CORIN: variants seen among roughly 807,000 people sequenced by gnomAD.
The protein encoded by CORIN is atrial natriuretic peptide-converting enzyme.
CORIN carries 117 observed loss-of-function variants against 125.3 expected under a neutral mutation model. The observed-to-expected ratio is 0.93, with a 90% CI of 0.80 to 1.09. CORIN has a LOEUF of 1.09. CORIN is among the 50% of genes least tolerant of loss of function. The probability of loss-of-function intolerance (pLI) is 0.00; values close to 1 mark genes in which losing one functional copy is unlikely to be tolerated. For missense variants in CORIN, 1,253 were observed against 1,306.7 expected (o/e 0.96, Z 0.63); for synonymous variants, 450 against 466.4 (o/e 0.96, Z 0.45).
chr4:47,644,849 T>C (rs951968141), intron 14 of CORIN, among the ~76,000 whole-genome samples: 8 of 152,208 alleles, frequency 5.3e-5, no homozygotes, highest in African/African-American at 4.8e-5. Context: ...TGGAGGTATT[T>C]TGATTTTCTC....
At chr4:47,599,451 T>TAA (rs372153207) in intron 21 of CORIN, among the ~76,000 whole-genome samples, 54,881 of 151,954 alleles carry the variant, frequency 0.36, 10,224 homozygotes, top group Admixed American at 0.4. Context: ...TTACTCCCAA[T>TAA]TAAAGGTGCT....
intron 19 of CORIN, among the ~76,000 whole-genome samples, chr4:47,608,714 C>T (rs1225278474): frequency 6.6e-6 from 1 of 152,048 alleles, no homozygotes; most frequent in Non-Finnish European, 1.5e-5. Context: ...ACTTACAATT[C>T]TTCAATTATT....
chr4:47,716,294 C>T (rs1727086330), intron 5 of CORIN, among the ~76,000 whole-genome samples: 1 of 152,148 alleles, frequency 6.6e-6, no homozygotes, highest in South Asian at 2.1e-4. Context: ...TATTTGATTT[C>T]TCCTTGGGCT....
At chr4:47,651,474 T>C (rs755563993) in intron 13 of CORIN, among the ~76,000 whole-genome samples, 2 of 152,202 alleles carry the variant, frequency 1.3e-5, no homozygotes, top group African/African-American at 2.4e-5. Context: ...CTTATTTGAT[T>C]TGAAGTGGTG....
intron 7 of CORIN, chr4:47,682,710 T>C (rs796118644): frequency 5.9e-5 from 9 of 152,338 alleles, no homozygotes; most frequent in African/African-American, 2.2e-4. Flanking sequence ...TAAAATATCA[T>C]GCTGTATTCA....
Position 47,755,421 on chromosome 4 carries a change from C to T in CORIN, c.617+7958G>A, listed in dbSNP as rs139172698. The stretch of plus-strand genomic sequence containing the variant: ...TTCTTCACATGAACAGATTCTCAAT[C>T]GCTATTCTCATCAGTATCCTCTACA... On this transcript the variant is annotated intron_variant, in intron 4 of 21. Transcript: ENST00000273857. 3.2e-3 allele frequency among the ~76,000 whole-genome samples: 492 copies of T among 152,266 alleles called. 3 individuals carry two copies. Among genetic ancestry groups the T allele is most frequent in the African/African-American group, 9.9e-3 (413 of 41,550 alleles).
chr4:47,802,930 T>C lies in CORIN; in HGVS notation c.208+3973A>G, dbSNP rs116579963. Among the ~76,000 whole-genome samples the C allele has an allele frequency of 7.3e-3, 1,118 of 152,182 alleles. 13 individuals are homozygous for C. Among genetic ancestry groups the C allele is most frequent in the African/African-American group, 0.025 (1,054 of 41,500 alleles). ...GCACAGGGAGAGAGAGAGACTCTGTTTGTTTGGGAGAAAGTAAGGAAAAAG... is the reference window on the plus strand; with the variant it reads ...GCACAGGGAGAGAGAGAGACTCTGTCTGTTTGGGAGAAAGTAAGGAAAAAG... On this transcript the variant is annotated intron_variant, in intron 2 of 21. Coordinates refer to ENST00000273857, the MANE Select transcript of CORIN (RefSeq NM_006587.4).
intron 5 of CORIN, among the ~76,000 whole-genome samples, chr4:47,705,478 T>C (rs1560513275): frequency 6.6e-6 from 1 of 152,148 alleles, no homozygotes; most frequent in East Asian, 1.9e-4. Flanking sequence ...CTAAAGCAGA[T>C]GGAAAATACT....
intron 18 of CORIN, 55 bp downstream of exon 18, chr4:47,623,844 G>A: frequency 6.2e-7 from 1 of 1,604,916 alleles, no homozygotes; most frequent in Non-Finnish European, 8.5e-7. Context: ...CTTCCCCTGA[G>A]CCAATCCAGT....
At chr4:47,719,648 G>T (rs550974963) in intron 5 of CORIN, among the ~76,000 whole-genome samples, 19 of 152,280 alleles carry the variant, frequency 1.2e-4, no homozygotes, top group Non-Finnish European at 1.5e-4. Context: ...AGCTAAACAA[G>T]AAGTTTTTCA....
At chr4:47,728,838 T>G (rs1362358165) in intron 5 of CORIN, among the ~76,000 whole-genome samples, 1 of 152,200 alleles carries the variant, frequency 6.6e-6, no homozygotes, top group Non-Finnish European at 1.5e-5. Context: ...ACCTATGATC[T>G]TGAGCTTCTG....
At chr4:47,710,543 T>C (rs1736621166) in intron 5 of CORIN, among the ~76,000 whole-genome samples, 2 of 151,374 alleles carry the variant, frequency 1.3e-5, no homozygotes, top group South Asian at 4.2e-4. Context: ...AGAGACGGAC[T>C]TTGGGGACAA....
At chr4:47,693,648 C>A (rs1041346721) in intron 5 of CORIN, among the ~76,000 whole-genome samples, 1 of 152,140 alleles carries the variant, frequency 6.6e-6, no homozygotes, top group Non-Finnish European at 1.5e-5. Flanking sequence ...ATGTCAGCGT[C>A]TATTTTGGCA....
At position 47,674,437 on chromosome 4, in the gene CORIN, C is replaced by T. The variant is rs775009870; in HGVS notation, c.1313G>A (p.Gly438Asp). Residue 438 changes from glycine to aspartate, a missense_variant, in exon 10 of 22, where the codon GGT (glycine) becomes GAT (aspartate). Gly to Asp is a moderately conservative substitution (Grantham distance 94, BLOSUM62 -1). Transcript: ENST00000273857. ...CLYNPCLDSCGGSSLCDPNNS... is the reference protein window; with the variant it reads ...CLYNPCLDSCDGSSLCDPNNS... ...GTTCGGGTCACAGAGAGAGCTACCA[C>T]CACATGAATCAAGGCAGGGATTGTA... 1.2e-6 allele frequency: 2 copies of T among 1,613,982 alleles called. No individual in the cohort carries two copies. The highest frequency in any genetic ancestry group is 2.2e-5 in the East Asian group (1 of 44,866).
At chr4:47,736,469 G>A (rs539730202) in intron 5 of CORIN, among the ~76,000 whole-genome samples, 1 of 152,296 alleles carries the variant, frequency 6.6e-6, no homozygotes, top group South Asian at 2.1e-4. Context: ...GATAACTATA[G>A]AACAAAGAGT....
chr4:47,642,714 T>C, intron 15 of CORIN: 1 of 673,918 alleles, frequency 1.5e-6, no homozygotes, highest in Admixed American at 3.6e-5. Flanking sequence ...CTTTAATTCC[T>C]GTCTGTGTAA....
At chr4:47,791,081 T>C (rs1731057655) in intron 2 of CORIN, among the ~76,000 whole-genome samples, 1 of 152,174 alleles carries the variant, frequency 6.6e-6, no homozygotes, top group Admixed American at 6.5e-5. Flanking sequence ...CTGCTTTACA[T>C]ACTTTACGTG....
In CORIN at chr4:47,674,409, G is replaced by A. The variant is rs1724916260; in HGVS notation, c.1341C>T (p.Asn447=). 1 of 1,611,900 alleles carries A rather than the reference G, an allele frequency of 6.2e-7. No homozygotes were observed. The highest frequency in any genetic ancestry group is 8.5e-7 in the Non-Finnish European group (1 of 1,178,132). Residue 447 remains asparagine, a synonymous_variant, in exon 10 of 22, where the codon AAC becomes AAT. Transcript: ENST00000273857. ...TGTACTTACTACAGTTATTCAGACT[G>A]TTGTTCGGGTCACAGAGAGAGCTAC... ...CGGSSLCDPN[N]SLNNCSQCEP...
chr4:47,656,749 T>A (rs867433557), intron 12 of CORIN, among the ~76,000 whole-genome samples: 18 of 152,286 alleles, frequency 1.2e-4, no homozygotes, highest in Non-Finnish European at 2.6e-4. Flanking sequence ...CTCTCACCAC[T>A]GTTATTCAAC....
Sources: gnomAD v4.1 joint callset for allele counts (sites outside exome capture counted in the v4.1 genomes callset) on GRCh38, gnomAD v4.1.1 for gene constraint, MANE v1.5 for transcripts, NCBI Gene and HGNC (gene_info 2026-07-23, HGNC 2026-07-21) for gene names.